The following GRIK5 variants were observed in gnomAD, a reference collection of about 807,000 sequenced individuals.
GRIK5 encodes glutamate ionotropic receptor kainate type subunit 5.
A neutral mutation model predicts 97.4 loss-of-function variants in GRIK5; 43 were observed. That is an observed-to-expected ratio of 0.44 (90% CI 0.35 to 0.57). The LOEUF (loss-of-function observed/expected upper bound fraction) is 0.57. Ranked by LOEUF, GRIK5 falls within the 20% of genes least tolerant of loss-of-function variation. GRIK5 has a pLI of 0.01. For missense variants in GRIK5, 1,015 were observed against 1,382.0 expected (o/e 0.73, Z 4.21); for synonymous variants, 580 against 583.5 (o/e 0.99, Z 0.09).
At chr19:42,045,471 A>C (rs1380163347) in intron 11 of GRIK5, among the ~76,000 whole-genome samples, 1 of 152,212 alleles carries the variant, frequency 6.6e-6, no homozygotes, top group Non-Finnish European at 1.5e-5. Flanking sequence ...AGACCAGCCA[A>C]AGAACCACTA....
In GRIK5 at chr19:42,002,270, A is replaced by G. The variant is rs1555871094; in HGVS notation, c.2514+1062T>C. On this transcript the variant is annotated intron_variant, in intron 19 of 19. Coordinates refer to ENST00000593562, the MANE Select transcript of GRIK5 (RefSeq NM_002088.5). This position sits in a 1 kb window ranked among gnomAD's most constrained non-coding sequence, Gnocchi z 5.2. ...GCTGCCAAGGCTGTAAAGAGAAGGGAAGAAAGTGGGCGGTGGCTGGGAGGG... is the reference window on the plus strand; with the variant it reads ...GCTGCCAAGGCTGTAAAGAGAAGGGGAGAAAGTGGGCGGTGGCTGGGAGGG... The G allele has an allele frequency of 2.8e-6, 2 of 717,530 alleles. No individual in the cohort carries two copies. The highest frequency in any genetic ancestry group is 2.6e-6 in the Non-Finnish European group (1 of 385,106). 44.4% of individuals were successfully genotyped at this position (717,530 alleles called of 1,614,324 possible).
rs2076064465 is a variant in GRIK5 at position 42,047,985 on chromosome 19, A to AG, written c.1270-5231_1270-5230insC. On this transcript the variant is annotated intron_variant, in intron 11 of 19. Transcript: ENST00000593562. ...GAGACTCTGTCTCAAAAAAAAAAAA[A>AG]AAAAAAAGAAAAAAATGTATTTTGA... Among the ~76,000 whole-genome samples the AG allele has an allele frequency of 2.0e-5, 3 of 151,620 alleles. No homozygotes were observed. In the South Asian group the frequency reaches 6.2e-4, roughly 32 times the overall value.
At position 42,069,726 on chromosome 19, in the gene GRIK5, G is replaced by A. The variant is rs1444620531; in HGVS notation, c.-536C>T. Among the ~76,000 whole-genome samples, 2 of 144,660 alleles carry A rather than the reference G, an allele frequency of 1.4e-5. No individual in the cohort carries two copies. The highest frequency in any genetic ancestry group is 2.5e-5 in the African/African-American group (1 of 39,534). 94.9% of individuals were successfully genotyped at this position (144,660 alleles called of 152,430 possible). A position where few individuals can be genotyped will look rare whatever the true frequency, so the allele number is the denominator to read the frequency against. The stretch of plus-strand genomic sequence containing the variant: ...ATCAGGAGAAGTGGGGGAGGGGAGG[G>A]CCTGCTGGGGGAGGGGGCCGCCCCC... On this transcript the variant is annotated 5_prime_UTR_variant, in exon 1 of 20. Coordinates refer to ENST00000593562, the MANE Select transcript of GRIK5 (RefSeq NM_002088.5).
chr19:42,041,314 C>T (rs2075975056), intron 12 of GRIK5, among the ~76,000 whole-genome samples: 1 of 152,176 alleles, frequency 6.6e-6, no homozygotes, highest in Admixed American at 6.5e-5. Flanking sequence ...TGCACACCAG[C>T]TCTGGGAGTG....
chr19:42,053,558 C>T (rs1699588191), intron 11 of GRIK5, 44 bp downstream of exon 11: 1 of 1,174,778 alleles, frequency 8.5e-7, no homozygotes, highest in Non-Finnish European at 1.3e-6. Flanking sequence ...TAGGACTGGG[C>T]TCAGGGCAGC....
At chr19:42,019,851 G>A (rs1038280661) in intron 15 of GRIK5, among the ~76,000 whole-genome samples, 4 of 152,186 alleles carry the variant, frequency 2.6e-5, no homozygotes, top group African/African-American at 9.7e-5. Flanking sequence ...TTGATTTTAC[G>A]CCATTGAGAT....
intron 19 of GRIK5, chr19:42,001,835 C>A: frequency 2.3e-6 from 1 of 429,364 alleles, no homozygotes. Flanking sequence ...AGATAACTAA[C>A]ACAAGAATCA....
chr19:42,063,926 C>A (rs889340006), intron 3 of GRIK5, among the ~76,000 whole-genome samples: 1 of 152,180 alleles, frequency 6.6e-6, no homozygotes, highest in Admixed American at 6.5e-5. Context: ...CATAACTCAA[C>A]ACCTCATTTC....
intron 12 of GRIK5, among the ~76,000 whole-genome samples, chr19:42,040,529 G>A (rs1376005360): frequency 6.6e-6 from 1 of 152,180 alleles, no homozygotes; most frequent in Non-Finnish European, 1.5e-5. Context: ...CTCATCTCCT[G>A]TCTCACCCGG....
intron 8 of GRIK5, among the ~76,000 whole-genome samples, chr19:42,054,954 G>GGTGGCTCAGAGCTAGAGGC (rs2076163889): frequency 6.6e-6 from 1 of 152,200 alleles, no homozygotes; most frequent in South Asian, 2.1e-4. Flanking sequence ...CTGGGAGGCA[G>GGTGGCTCAGAGCTAGAGGC]GTGGCTCAGA....
chr19:42,037,415 C>T (rs575353915), intron 12 of GRIK5, among the ~76,000 whole-genome samples: 25 of 152,238 alleles, frequency 1.6e-4, no homozygotes, highest in African/African-American at 5.1e-4. Context: ...GCCGAGATCA[C>T]GCCACTGCAC....
At position 42,001,364 on chromosome 19, in the gene GRIK5, G is replaced by T. The variant is rs373967387; in HGVS notation, c.2514+1968C>A. 4.6e-5 allele frequency among the ~76,000 whole-genome samples: 7 copies of T among 152,304 alleles called. No individual in the cohort carries two copies. In the South Asian group the frequency reaches 1.5e-3, roughly 32 times the overall value. On this transcript the variant is annotated intron_variant, in intron 19 of 19. Coordinates refer to ENST00000593562, the MANE Select transcript of GRIK5 (RefSeq NM_002088.5). ...CTGTCTCAGCCTCCTGAGTAGTTGG[G>T]ACTACAGGTGTCCACCACCATATCT... is the stretch of plus-strand genomic sequence containing the variant.
intron 8 of GRIK5, 29 bp from the exon 9 acceptor site, chr19:42,054,501 T>TGGATA: frequency 6.2e-7 from 1 of 1,605,000 alleles, no homozygotes; most frequent in Non-Finnish European, 8.5e-7. Context: ...GGGGGTGGGA[T>TGGATA]GGATAAGAGG....
Position 42,003,780 on chromosome 19 carries a change from C to A in GRIK5, c.2264-97G>T. The A allele has an allele frequency of 7.4e-7, 1 of 1,345,622 alleles. No homozygotes were observed. The allele number at this position is 1,345,622 out of a possible 1,614,324, so 83.4% of individuals were successfully genotyped here. ...TGCCCTCACCACGGCCTTCCCCCGC[C>A]TCTACCACGTGCCCAGGGTCTTCCC... On this transcript the variant is annotated intron_variant, in intron 17 of 19. Coordinates refer to ENST00000593562, the MANE Select transcript of GRIK5 (RefSeq NM_002088.5). This position sits in a 1 kb window ranked among gnomAD's most constrained non-coding sequence, Gnocchi z 4.2.
chr19:42,021,577 G>C lies in GRIK5; in HGVS notation c.1698-103C>G. On this transcript the variant is annotated intron_variant, in intron 14 of 19. Coordinates refer to ENST00000593562, the MANE Select transcript of GRIK5 (RefSeq NM_002088.5). This position sits in a 1 kb window ranked among gnomAD's most constrained non-coding sequence, Gnocchi z 4.2. ...ACAGTGATCAGAAGAAAGGGGGAGA[G>C]ATGGAAAAAGGAGCAAGATGGACAG... The C allele has an allele frequency of 1.7e-5, 16 of 954,262 alleles. No individual in the cohort carries two copies. Among genetic ancestry groups the C allele is most frequent in the Non-Finnish European group, 2.3e-5 (15 of 658,220 alleles). The allele number at this position is 954,262 out of a possible 1,614,324, so 59.1% of individuals were successfully genotyped here.
Position 42,022,345 on chromosome 19 carries a change from G to A in GRIK5, c.1483C>T (p.Leu495=), listed in dbSNP as rs141633729. 1.3e-4 allele frequency: 214 copies of A among 1,613,380 alleles called. No homozygotes were observed. Among genetic ancestry groups the A allele is most frequent in the Non-Finnish European group, 1.8e-4 (208 of 1,179,476 alleles). Residue 495 remains leucine, a synonymous_variant, in exon 13 of 20, where the codon CTG becomes TTG. Coordinates refer to ENST00000593562, the MANE Select transcript of GRIK5 (RefSeq NM_002088.5). The surrounding 1 kb of genome is among the most constrained non-coding windows in gnomAD (Gnocchi z 4.2). ...GTGATGGTGAAGGCGGCCACAGCCA[G>A]GTCTGCCTTCTGCTGGAGGGGAAGC... The part of the protein sequence containing the change: ...VGELINRKAD[L]AVAAFTITAE...
intron 1 of GRIK5, chr19:42,068,379 C>T: frequency 5.1e-6 from 1 of 194,210 alleles, no homozygotes. Context: ...AGCAGAAAGG[C>T]CACGCGAGGT....
chr19:42,025,471 G>A (rs984913948), intron 12 of GRIK5, among the ~76,000 whole-genome samples: 1 of 152,100 alleles, frequency 6.6e-6, no homozygotes, highest in African/African-American at 2.4e-5. Flanking sequence ...GATGGGAGGA[G>A]TCAGTGAGTC....
chr19:42,067,031 C>T (rs1447755203), intron 1 of GRIK5, among the ~76,000 whole-genome samples: 2 of 152,322 alleles, frequency 1.3e-5, no homozygotes, highest in Non-Finnish European at 1.5e-5. Context: ...GGCACCCCAG[C>T]TTTCTGCAGG....
Sources: gnomAD v4.1 joint callset for allele counts (sites outside exome capture counted in the v4.1 genomes callset) on GRCh38, gnomAD v4.1.1 for gene constraint, Gnocchi (gnomAD v3.1) non-coding constraint, MANE v1.5 for transcripts, NCBI Gene and HGNC (gene_info 2026-07-23, HGNC 2026-07-21) for gene names.